Variants in ZNF232 observed in about 807,000 individuals in gnomAD.
ZNF232 encodes the protein zinc finger and SCAN domain-containing protein 11.
In ZNF232, 25 loss-of-function variants were observed where a neutral mutation model predicts 25.2. The ratio of observed to expected loss-of-function variants is 0.99; its 90% CI spans 0.72 to 1.39. The LOEUF is 1.39. Ranked by LOEUF, ZNF232 falls within the 40% of genes most tolerant of loss-of-function variation. The pLI is 0.00. For missense variants in ZNF232, 519 were observed against 520.9 expected (o/e 1.00, Z 0.04); for synonymous variants, 193 against 182.9 (o/e 1.06, Z -0.45).
At chr17:5,108,977 C>T in exon 3 of ZNF232, 1 of 1,614,178 alleles carries the variant, frequency 6.2e-7, no homozygotes, top group Non-Finnish European at 8.5e-7. Flanking sequence ...ATGCTCAGTG[C>T]TTCCTGGGCT....
At chr17:5,107,079 C>T (rs138962896) in intron 3 of ZNF232, among the ~76,000 whole-genome samples, 90 of 151,792 alleles carry the variant, frequency 5.9e-4, no homozygotes, top group African/African-American at 2.1e-3. Context: ...CTGCCTTTCT[C>T]TTCCTTAAAA....
exon 4 of ZNF232, chr17:5,106,314 T>C (rs755441721): frequency 6.2e-7 from 1 of 1,614,252 alleles, no homozygotes; most frequent in Non-Finnish European, 8.5e-7. Flanking sequence ...ACTTTCCTCC[T>C]GGGCAGGGGA....
At position 5,111,787 on chromosome 17, in the gene ZNF232, C is replaced by T. The variant is rs775037463; in HGVS notation, c.23+13G>A. The T allele has an allele frequency of 3.5e-5, 56 of 1,613,736 alleles. No individual in the cohort carries two copies. The highest frequency in any genetic ancestry group is 1.6e-4 in the Middle Eastern group (1 of 6,084). On this transcript the variant is annotated intron_variant, in intron 1 of 3. Transcript: ENST00000575898. ...GCCAGGTGGACCTCGGGGAAGCCGC[C>T]GCCAACACTCACCTCACAGGACCAG... is the stretch of plus-strand genomic sequence containing the variant.
At chr17:5,105,795 T>C in exon 4 of ZNF232, 3 of 1,526,654 alleles carry the variant, frequency 2.0e-6, no homozygotes, top group Non-Finnish European at 1.8e-6. Flanking sequence ...CGATGTAGAA[T>C]TCTGTCTGGA....
At chr17:5,111,961 G>T, upstream of ZNF232, 1 of 1,299,004 alleles carries the variant, frequency 7.7e-7, no homozygotes, top group South Asian at 1.5e-5. Flanking sequence ...TGGCCCAGGC[G>T]CGTGGGCGCT....
At chr17:5,115,673 A>T (rs776054451), upstream of ZNF232, among the ~76,000 whole-genome samples, 1 of 152,134 alleles carries the variant, frequency 6.6e-6, no homozygotes, top group Non-Finnish European at 1.5e-5. Flanking sequence ...ATACTCATCA[A>T]ACCCCGGAGA....
intron 1 of ZNF232, among the ~76,000 whole-genome samples, chr17:5,122,326 A>C (rs1269960147): frequency 2.0e-5 from 3 of 152,006 alleles, no homozygotes; most frequent in Admixed American, 2.0e-4. Flanking sequence ...TGACTGTGTG[A>C]GTGGTGACAC....
chr17:5,111,532 C>T lies in ZNF232; in HGVS notation c.23+268G>A, dbSNP rs1019177706. 7.5e-6 allele frequency: 4 copies of T among 536,106 alleles called. No individual in the cohort carries two copies. The African/African-American group carries it at 7.9e-5, about 11-fold the overall frequency. 33.2% of individuals were successfully genotyped at this position (536,106 alleles called of 1,614,324 possible). A position where few individuals can be genotyped will look rare whatever the true frequency, so the allele number is the denominator to read the frequency against. On this transcript the variant is annotated intron_variant, in intron 1 of 3. Transcript: ENST00000575898. ...CCCGGGGAGGGGGCTGTCGTCCAGG[C>T]CAGGTACAACTCCCCTTCCCACCCT... is the stretch of plus-strand genomic sequence containing the variant.
At chr17:5,108,808 C>T (rs868766250) in intron 3 of ZNF232, 118 bp downstream of exon 3, 46 of 1,487,110 alleles carry the variant, frequency 3.1e-5, no homozygotes, top group Admixed American at 7.5e-5. Flanking sequence ...AATAGTAAGG[C>T]TGTGATGATA....
At chr17:5,106,761 G>GA (rs2072270617) in intron 3 of ZNF232, among the ~76,000 whole-genome samples, 1 of 151,956 alleles carries the variant, frequency 6.6e-6, no homozygotes, top group African/African-American at 2.4e-5. Flanking sequence ...AAACACTAAA[G>GA]AAGTTTTATT....
chr17:5,109,672 T>C (rs771690142), exon 2 of ZNF232: 1 of 1,614,216 alleles, frequency 6.2e-7, no homozygotes, highest in Admixed American at 1.7e-5. Context: ...ATCTCTTGAC[T>C]GGTAGAGTGG....
At position 5,109,702 on chromosome 17, in the gene ZNF232, CAT is replaced by C; in HGVS notation, c.188_189del (p.Tyr63Ter). On this transcript the variant is annotated frameshift_variant, in exon 2 of 4. Coordinates refer to ENST00000575898, the Ensembl canonical transcript of ZNF232. LOFTEE classifies it high-confidence loss of function. ...GAGTGGTTCCCAGGTAGCCTGGTCTCATACTCACAAGACTGTTCCTCTTCCTT... is the reference window on the plus strand; with the variant it reads ...GAGTGGTTCCCAGGTAGCCTGGTCTCACTCACAAGACTGTTCCTCTTCCTT... 6.2e-7 allele frequency: 1 copy of C among 1,614,182 alleles called. No individual in the cohort carries two copies.
intron 1 of ZNF232, chr17:5,120,727 A>C: frequency 6.9e-6 from 3 of 434,276 alleles, no homozygotes; most frequent in Non-Finnish European, 1.4e-5. Flanking sequence ...GAGATGCATG[A>C]CCAGGACAAG....
chr17:5,112,771 T>G (rs1218929197), upstream of ZNF232, among the ~76,000 whole-genome samples: 1 of 151,356 alleles, frequency 6.6e-6, no homozygotes, highest in Non-Finnish European at 1.5e-5. Flanking sequence ...TGAGACATGG[T>G]GGCCAACATG....
At position 5,106,493 on chromosome 17, in the gene ZNF232, A is replaced by G. The variant is rs141035572; in HGVS notation, c.639T>C (p.Asp213=). 359 of 1,612,900 alleles carry G rather than the reference A, an allele frequency of 2.2e-4. 1 individual carries two copies. Among genetic ancestry groups the G allele is most frequent in the South Asian group, 1.5e-3 (132 of 90,842 alleles). The change falls in exon 4 of 4, where the codon GAT becomes GAC. Residue 213 remains aspartate (D), a synonymous_variant. Transcript: ENST00000575898. ...ATCCTTTGTCCTTGGGCTCTGGGCC[A>G]TCTTCTGTAACAACTGACAGAAAAT...
chr17:5,116,334 C>G (rs1211022518), upstream of ZNF232: 1 of 153,050 alleles, frequency 6.5e-6, no homozygotes, highest in African/African-American at 2.4e-5. Flanking sequence ...CTCACCACTC[C>G]CGGCTTCCCG....
At chr17:5,122,102 GGAGTGTGGCCAGA>G (rs1420229441) in intron 1 of ZNF232, among the ~76,000 whole-genome samples, 1 of 151,894 alleles carries the variant, frequency 6.6e-6, no homozygotes, top group East Asian at 1.9e-4. Context: ...GCTGGAGCAG[GGAGTGTGGCCAGA>G]GAAGTCCTGC....
At chr17:5,116,272 C>G (rs976727849), upstream of ZNF232, among the ~76,000 whole-genome samples, 2 of 151,930 alleles carry the variant, frequency 1.3e-5, no homozygotes, top group African/African-American at 4.9e-5. Flanking sequence ...ACTCCCGGCC[C>G]CGCTCCGGGC....
chr17:5,109,996 T>C, intron 1 of ZNF232, 128 bp from the exon 2 acceptor site: 1 of 859,240 alleles, frequency 1.2e-6, no homozygotes, highest in Non-Finnish European at 1.7e-6. Context: ...TTCTAGCGAT[T>C]CTCCTACCTC....
Sources: allele counts gnomAD v4.1 joint callset (sites outside exome capture counted in the v4.1 genomes callset), GRCh38; gene constraint gnomAD v4.1.1; transcripts MANE v1.5; gene names NCBI Gene and HGNC (gene_info 2026-07-23, HGNC 2026-07-21).